The following RBPMS variants were observed in gnomAD, a reference collection of about 807,000 sequenced individuals.
RBPMS encodes the protein RNA-binding protein with multiple splicing.
Under a neutral mutation model 26.8 loss-of-function variants are expected in RBPMS, and 7 were observed. The observed-to-expected ratio is 0.26, with a 90% confidence interval of 0.15 to 0.49. The LOEUF is 0.49. Ranked by LOEUF, RBPMS falls within the 20% of genes least tolerant of loss-of-function variation. The probability of loss-of-function intolerance (pLI) is 0.98; values close to 1 mark genes in which losing one functional copy is unlikely to be tolerated. For missense variants in RBPMS, 186 were observed against 250.0 expected (o/e 0.74, Z 1.73); for synonymous variants, 96 against 93.3 (o/e 1.03, Z -0.17).
At chr8:30,438,746 G>C (rs994566547) in intron 1 of RBPMS, among the ~76,000 whole-genome samples, 1 of 151,846 alleles carries the variant, frequency 6.6e-6, no homozygotes, top group African/African-American at 2.4e-5. Context: ...TATCTATATA[G>C]AGAGATAGGA....
At chr8:30,390,642 G>T (rs1393427523) in intron 1 of RBPMS, among the ~76,000 whole-genome samples, 1 of 152,128 alleles carries the variant, frequency 6.6e-6, no homozygotes, top group Non-Finnish European at 1.5e-5. Flanking sequence ...ATTTTTGCAA[G>T]ATCCCCCTCA....
intron 1 of RBPMS, among the ~76,000 whole-genome samples, chr8:30,423,254 C>G (rs960429508): frequency 6.6e-6 from 1 of 152,200 alleles, no homozygotes; most frequent in African/African-American, 2.4e-5. Flanking sequence ...TCCAGACTCT[C>G]AAACATCTGT....
At chr8:30,423,379 C>T (rs1277055855) in intron 1 of RBPMS, among the ~76,000 whole-genome samples, 1 of 152,204 alleles carries the variant, frequency 6.6e-6, no homozygotes, top group South Asian at 2.1e-4. Flanking sequence ...CCTCTTTCCT[C>T]TTTGTGTATG....
intron 5 of RBPMS, among the ~76,000 whole-genome samples, chr8:30,527,328 C>A (rs1823699493): frequency 6.6e-6 from 1 of 152,166 alleles, no homozygotes; most frequent in African/African-American, 2.4e-5. Flanking sequence ...AATCACACAG[C>A]TACCCTGGGA....
intron 1 of RBPMS, among the ~76,000 whole-genome samples, chr8:30,410,716 T>TG (rs1809268569): frequency 7.0e-6 from 1 of 141,958 alleles, no homozygotes; most frequent in African/African-American, 3.1e-5. Flanking sequence ...TTTTCTTTTT[T>TG]CCTTTTTTTT....
chr8:30,481,166 TGC>T (rs1263335190), intron 4 of RBPMS, among the ~76,000 whole-genome samples: 1 of 152,228 alleles, frequency 6.6e-6, no homozygotes, highest in African/African-American at 2.4e-5. Flanking sequence ...GTTGCTGTAT[TGC>T]CCAGGCTGGT....
chr8:30,512,543 A>T lies in RBPMS; in HGVS notation c.397+8107A>T, dbSNP rs982783731. On this transcript the variant is annotated intron_variant, in intron 5 of 8. Coordinates refer to ENST00000397323, the MANE Select transcript of RBPMS (RefSeq NM_001008710.3). ...GACCCAGGCTGGAGTACAGTGGTGC[A>T]ATCATAGTCATATCTCATCACTTCA... Among the ~76,000 whole-genome samples the T allele has an allele frequency of 2.6e-5, 4 of 152,180 alleles. No homozygotes were observed. The South Asian group carries it at 8.3e-4, about 32-fold the overall frequency.
intron 4 of RBPMS, among the ~76,000 whole-genome samples, chr8:30,482,520 T>A (rs1818388347): frequency 1.3e-5 from 2 of 152,236 alleles, no homozygotes; most frequent in South Asian, 4.1e-4. Flanking sequence ...ATCTATTTTC[T>A]CATTTTTGGA....
chr8:30,451,220 C>T (rs779991750), intron 1 of RBPMS, among the ~76,000 whole-genome samples: 21 of 152,182 alleles, frequency 1.4e-4, no homozygotes, highest in African/African-American at 2.2e-4. Flanking sequence ...TCACACCTGC[C>T]ATTTCAATGC....
rs554942264 is a variant in RBPMS at position 30,391,148 on chromosome 8, C to T, written c.66+5990C>T. Among the ~76,000 whole-genome samples, 4 of 152,204 alleles carry T rather than the reference C, an allele frequency of 2.6e-5. No individual in the cohort carries two copies. The East Asian group carries it at 5.8e-4, about 22-fold the overall frequency. On this transcript the variant is annotated intron_variant, in intron 1 of 8. Transcript: ENST00000397323. ...CTTTGTCATTAGGAACCTCCATTTGCGAGCACAGGTGAGCCTGCCTGGTCC... is the reference window on the plus strand; with the variant it reads ...CTTTGTCATTAGGAACCTCCATTTGTGAGCACAGGTGAGCCTGCCTGGTCC...
At chr8:30,540,327 G>A (rs1159845014) in intron 5 of RBPMS, among the ~76,000 whole-genome samples, 1 of 152,162 alleles carries the variant, frequency 6.6e-6, no homozygotes, top group African/African-American at 2.4e-5. Flanking sequence ...AGAGGAGGAT[G>A]AGGGCCAGAT....
Position 30,566,322 on chromosome 8 carries a change from T to C in RBPMS, c.*73T>C. 1 of 984,220 alleles carries C rather than the reference T, an allele frequency of 1.0e-6. No individual in the cohort carries two copies. Among genetic ancestry groups the C allele is most frequent in the Non-Finnish European group, 1.2e-6 (1 of 828,580 alleles). The allele number at this position is 984,220 out of a possible 1,614,324, so 61.0% of individuals were successfully genotyped here. ...TATTAATGCAATCTTCAGTGGTGGC[T>C]ACTGTTCTCTAGCTGTTCTACAAAA... On this transcript the variant is annotated 3_prime_UTR_variant, in exon 8 of 9. Transcript: ENST00000397323.
intron 5 of RBPMS, among the ~76,000 whole-genome samples, chr8:30,533,395 A>C (rs1263239622): frequency 6.6e-6 from 1 of 152,204 alleles, no homozygotes; most frequent in East Asian, 1.9e-4. Context: ...CCAGATTTTT[A>C]AAACATGAAT....
At chr8:30,517,525 A>T (rs1286926032) in intron 5 of RBPMS, among the ~76,000 whole-genome samples, 1 of 152,164 alleles carries the variant, frequency 6.6e-6, no homozygotes, top group Non-Finnish European at 1.5e-5. Flanking sequence ...GGTCAAGGAG[A>T]TCAAACTGGT....
intron 6 of RBPMS, among the ~76,000 whole-genome samples, chr8:30,557,286 G>A (rs1827019895): frequency 6.6e-6 from 1 of 152,212 alleles, no homozygotes. Context: ...ATGGGGAGGA[G>A]GAGGTTCCCA....
intron 5 of RBPMS, among the ~76,000 whole-genome samples, chr8:30,526,152 C>A (rs1823559466): frequency 6.6e-6 from 1 of 152,200 alleles, no homozygotes; most frequent in Non-Finnish European, 1.5e-5. Context: ...AACTCCTTAT[C>A]CCCAGATTCC....
intron 1 of RBPMS, chr8:30,446,857 G>GTGCA (rs1323897885): frequency 1.4e-4 from 21 of 146,208 alleles, no homozygotes; most frequent in African/African-American, 4.6e-4. Context: ...GCGCGCGCGC[G>GTGCA]CGGTGGAGGG....
intron 6 of RBPMS, 120 bp downstream of exon 6, chr8:30,544,744 A>G: frequency 6.2e-7 from 1 of 1,600,332 alleles, no homozygotes; most frequent in South Asian, 1.1e-5. Flanking sequence ...CCCTCAAGAG[A>G]TTAATGATCC....
intron 4 of RBPMS, among the ~76,000 whole-genome samples, chr8:30,481,479 G>A (rs10090631): frequency 0.063 from 9,600 of 152,068 alleles, 952 homozygotes; most frequent in African/African-American, 0.21. Context: ...CCAGCTGGCC[G>A]CAGATCACTG....
Sources: gnomAD v4.1 joint callset for allele counts (sites outside exome capture counted in the v4.1 genomes callset) on GRCh38, gnomAD v4.1.1 for gene constraint, MANE v1.5 for transcripts, NCBI Gene and HGNC (gene_info 2026-07-23, HGNC 2026-07-21) for gene names.